Variants in TAC4 observed in about 807,000 individuals in gnomAD.
TAC4 encodes the protein tachykinin-4.
TAC4 carries 17 observed loss-of-function variants against 17.7 expected under a neutral mutation model. The observed-to-expected ratio is 0.96, with a 90% CI of 0.66 to 1.44. TAC4 has a LOEUF of 1.44. Among genes scored for constraint, TAC4 ranks in the 40% most tolerant of loss-of-function variants. TAC4 has a pLI of 0.00. For missense variants in TAC4, 118 were observed against 125.6 expected, an observed-to-expected ratio of 0.94 and a Z score of 0.29; for synonymous variants, 62 against 52.4, an observed-to-expected ratio of 1.18 and a Z score of -0.79.
At position 49,839,846 on chromosome 17, in the gene TAC4, C is replaced by T; in HGVS notation, c.292+4G>A. 1 of 1,609,988 alleles carries T rather than the reference C, an allele frequency of 6.2e-7. No homozygotes were observed. ...CCTTGCAACCACCAGCGGCTCTTGC[C>T]TACCTTCTGTGAACAGGCTTCTCTT... On this transcript the variant is annotated splice_donor_region_variant and intron_variant, in intron 4 of 4. Transcript: ENST00000436235.
chr17:49,846,991 G>A (rs1351417310), intron 1 of TAC4: 1 of 1,290,016 alleles, frequency 7.8e-7, no homozygotes, highest in Non-Finnish European at 1.0e-6. Flanking sequence ...TAGCCCTGCT[G>A]CCCTCTCCTC....
Position 49,847,977 on chromosome 17 carries a change from G to T in TAC4, c.41C>A (p.Ser14Tyr). 6.2e-7 allele frequency: 1 copy of T among 1,614,198 alleles called. No homozygotes were observed. The highest frequency in any genetic ancestry group is 8.5e-7 in the Non-Finnish European group (1 of 1,180,038). Reference protein sequence around the residue: ...CLALLLLMELSVCTVAGDGGE... With the variant: ...CLALLLLMELYVCTVAGDGGE... ...ACCATCACCTGCCACAGTGCACACG[G>T]ACAGCTCCATCAGGAGAAGCAGGGC... The change falls in exon 1 of 5, where the codon TCC becomes TAC. Residue 14 changes from serine to tyrosine, a missense_variant. By Grantham distance (144) the Ser-to-Tyr change is moderately radical (BLOSUM62 -2). Transcript: ENST00000436235.
In TAC4 at chr17:49,840,365, A is replaced by G. The variant is rs2074487756; in HGVS notation, c.233-456T>C. ...CTCTGTCTGTGTACGGCAGGCAGTC[A>G]GGGAAGGAGAGCTGGTTAGGATGGG... On this transcript the variant is annotated intron_variant, in intron 3 of 4. Transcript: ENST00000436235. Among the ~76,000 whole-genome samples the G allele has an allele frequency of 2.6e-5, 4 of 152,314 alleles. No homozygotes were observed. In the South Asian group the frequency reaches 8.3e-4, roughly 32 times the overall value.
At chr17:49,844,028 C>A in intron 2 of TAC4, 36 bp downstream of exon 2, 1 of 1,598,204 alleles carries the variant, frequency 6.3e-7, no homozygotes, top group Non-Finnish European at 8.6e-7. Context: ...CACTCAGAAC[C>A]CCTGCTTGCT....
chr17:49,842,415 A>G (rs935386399), intron 2 of TAC4, among the ~76,000 whole-genome samples: 1 of 151,906 alleles, frequency 6.6e-6, no homozygotes, highest in African/African-American at 2.4e-5. Context: ...CTGTAATCTC[A>G]ACTACTTGGG....
chr17:49,844,362 G>A (rs1459045282), intron 1 of TAC4, among the ~76,000 whole-genome samples: 2 of 152,062 alleles, frequency 1.3e-5, no homozygotes, highest in East Asian at 3.9e-4. Flanking sequence ...TTCTGAGCAC[G>A]TTGATCTAGT....
intron 1 of TAC4, chr17:49,846,051 A>G (rs575018302): frequency 4.6e-5 from 16 of 350,186 alleles, no homozygotes; most frequent in Non-Finnish European, 8.1e-5. Context: ...ATGGCCACTT[A>G]TGAATTCAAT....
chr17:49,846,346 G>A (rs2074539553), intron 1 of TAC4: 1 of 756,846 alleles, frequency 1.3e-6, no homozygotes, highest in Non-Finnish European at 1.9e-6. Flanking sequence ...GCACAAGCAC[G>A]ACTCACTGCA....
chr17:49,841,708 C>T (rs1598102831), intron 2 of TAC4, 124 bp from the exon 3 acceptor site: 2 of 965,754 alleles, frequency 2.1e-6, no homozygotes, highest in East Asian at 3.1e-5. Flanking sequence ...GAATTCTAGT[C>T]ATCCCCAGTT....
intron 3 of TAC4, 114 bp from the exon 4 acceptor site, chr17:49,840,023 G>T (rs915803241): frequency 9.8e-6 from 9 of 921,256 alleles, no homozygotes; most frequent in Middle Eastern, 2.2e-4. Context: ...CAGGGCTGGG[G>T]CCTTGCAAAT....
At chr17:49,842,641 A>AT (rs915266326) in intron 2 of TAC4, among the ~76,000 whole-genome samples, 90 of 149,726 alleles carry the variant, frequency 6.0e-4, no homozygotes, top group Non-Finnish European at 8.9e-4. Flanking sequence ...TTATATGTGT[A>AT]TTTTTTTTTT....
chr17:49,839,966 G>T, intron 3 of TAC4, 57 bp from the exon 4 acceptor site: 1 of 1,566,796 alleles, frequency 6.4e-7, no homozygotes, highest in Non-Finnish European at 8.8e-7. Context: ...AGGCTGTTTT[G>T]GGAACCAGGG....
chr17:49,844,639 TC>T (rs1434822368), intron 1 of TAC4, among the ~76,000 whole-genome samples: 1 of 152,134 alleles, frequency 6.6e-6, no homozygotes, highest in African/African-American at 2.4e-5. Flanking sequence ...ACACCTGTAA[TC>T]CCAGCTACTC....
Position 49,843,942 on chromosome 17 carries a change from G to A in TAC4, c.199+122C>T, listed in dbSNP as rs1286366341. On this transcript the variant is annotated intron_variant, in intron 2 of 4. Coordinates refer to ENST00000436235, the MANE Select transcript of TAC4 (RefSeq NM_001077506.2). ...GTCTGTGCCACCCCATCTCATGAGCGACCCCTACTGGACTGGAGTACCTGA... is the reference window on the plus strand; with the variant it reads ...GTCTGTGCCACCCCATCTCATGAGCAACCCCTACTGGACTGGAGTACCTGA... 9.9e-6 allele frequency: 8 copies of A among 808,072 alleles called. No homozygotes were observed. In the Admixed American group the frequency reaches 1.1e-4, roughly 11 times the overall value. The allele number at this position is 808,072 out of a possible 1,614,324, so 50.1% of individuals were successfully genotyped here. A position where few individuals can be genotyped will look rare whatever the true frequency, so the allele number is the denominator to read the frequency against.
intron 4 of TAC4, 145 bp downstream of exon 4, chr17:49,839,705 C>T (rs951749183): frequency 7.2e-6 from 5 of 694,440 alleles, no homozygotes; most frequent in African/African-American, 1.8e-5. Context: ...TCCTTGCACT[C>T]GACTGCCTCC....
At position 49,845,037 on chromosome 17, in the gene TAC4, A is replaced by G. The variant is rs556518974; in HGVS notation, c.106-880T>C. ...TTCACAGTACTGGTTCTGCTCTATC[A>G]TGGGAAGTGTCTCCAACATAGATGA... On this transcript the variant is annotated intron_variant, in intron 1 of 4. Transcript: ENST00000436235. Among the ~76,000 whole-genome samples the G allele has an allele frequency of 2.0e-5, 3 of 152,312 alleles. No individual in the cohort carries two copies. The South Asian group carries it at 6.2e-4, about 32-fold the overall frequency.
At chr17:49,843,992 G>A in intron 2 of TAC4, 72 bp downstream of exon 2, 1 of 1,417,436 alleles carries the variant, frequency 7.1e-7, no homozygotes, top group Non-Finnish European at 1.0e-6. Flanking sequence ...CTTTGACTTA[G>A]GGCCTCTGCT....
chr17:49,843,559 G>A (rs547658532), intron 2 of TAC4, among the ~76,000 whole-genome samples: 2 of 152,268 alleles, frequency 1.3e-5, no homozygotes, highest in South Asian at 2.1e-4. Flanking sequence ...GTTGCCTGGC[G>A]TAATTACTAA....
chr17:49,842,543 A>T (rs2074506404), intron 2 of TAC4, among the ~76,000 whole-genome samples: 2 of 152,162 alleles, frequency 1.3e-5, no homozygotes, highest in South Asian at 4.2e-4. Flanking sequence ...AAAAAAAAGA[A>T]GTTTGAAATG....
Sources: gnomAD v4.1 joint callset for allele counts (sites outside exome capture counted in the v4.1 genomes callset) on GRCh38, gnomAD v4.1.1 for gene constraint, MANE v1.5 for transcripts, NCBI Gene and HGNC (gene_info 2026-07-23, HGNC 2026-07-21) for gene names.